YTHDC1: variants seen among roughly 807,000 people sequenced by gnomAD.
YTHDC1 encodes YTH domain-containing protein 1.
YTHDC1 carries 12 observed loss-of-function variants against 107.0 expected under a neutral mutation model. That is an observed-to-expected ratio of 0.11 (90% CI 0.07 to 0.18). YTHDC1 has a LOEUF of 0.18. Among genes scored for constraint, YTHDC1 ranks in the 10% least tolerant of loss-of-function variants. The pLI is 1.00. For synonymous variants in YTHDC1, 280 were observed against 289.5 expected (o/e 0.97, Z 0.33); for missense variants, 635 against 898.8 (o/e 0.71, Z 3.75).
intron 6 of YTHDC1, 53 bp downstream of exon 6, chr4:68,332,741 A>T: frequency 6.5e-7 from 1 of 1,549,574 alleles, no homozygotes; most frequent in Non-Finnish European, 8.9e-7. Flanking sequence ...CCAATAAGGA[A>T]AAATAATGAC....
At chr4:68,334,022 T>C (rs1182342922) in intron 4 of YTHDC1, among the ~76,000 whole-genome samples, 1 of 152,182 alleles carries the variant, frequency 6.6e-6, no homozygotes, top group African/African-American at 2.4e-5. Flanking sequence ...ATTTTAATGG[T>C]AGCCTGTGTA....
Position 68,349,843 on chromosome 4 carries a change from C to T in YTHDC1, c.-90G>A, listed in dbSNP as rs1263256329. The T allele has an allele frequency of 1.6e-5, 26 of 1,579,848 alleles. No individual in the cohort carries two copies. Among genetic ancestry groups the T allele is most frequent in the Non-Finnish European group, 2.2e-5 (25 of 1,154,260 alleles). On this transcript the variant is annotated 5_prime_UTR_variant, in exon 1 of 17. Transcript: ENST00000344157. The stretch of plus-strand genomic sequence containing the variant: ...CGCAGCCGCGGCAGAAGCACGGGCC[C>T]GTCCGTCAGTCCGTCTGCCCGGATA...
chr4:68,343,543 A>AAAAT (rs35282008), intron 1 of YTHDC1, among the ~76,000 whole-genome samples: 6 of 107,354 alleles, frequency 5.6e-5, no homozygotes, highest in South Asian at 3.4e-4. Flanking sequence ...AAAAAAAAAA[A>AAAAT]TTTTTTTTTT....
intron 7 of YTHDC1, among the ~76,000 whole-genome samples, chr4:68,330,511 CA>C (rs1723453575): frequency 6.6e-6 from 1 of 151,986 alleles, no homozygotes; most frequent in African/African-American, 2.4e-5. Flanking sequence ...AGACAATTAC[CA>C]ATTTTACAAA....
Position 68,345,624 on chromosome 4 carries a change from A to G in YTHDC1, c.28+4102T>C, listed in dbSNP as rs141830808. On this transcript the variant is annotated intron_variant, in intron 1 of 16. Coordinates refer to ENST00000344157, the MANE Select transcript of YTHDC1 (RefSeq NM_001031732.4). ...AAAAACATACAATTTAAGTGCAAAG[A>G]TATCATTTTAAATTTTCTACCTTAC... 2.2e-3 allele frequency among the ~76,000 whole-genome samples: 339 copies of G among 152,324 alleles called. 1 individual carries two copies. The highest frequency in any genetic ancestry group is 7.7e-3 in the African/African-American group (322 of 41,584).
intron 9 of YTHDC1, among the ~76,000 whole-genome samples, chr4:68,326,779 C>T (rs1363065281): frequency 2.6e-5 from 4 of 151,414 alleles, no homozygotes; most frequent in Admixed American, 2.0e-4. Context: ...TTAGTAGAGA[C>T]GGGGTTTCAC....
Position 68,315,555 on chromosome 4 carries a change from T to G in YTHDC1, c.1959+759A>C, listed in dbSNP as rs1180422827. On this transcript the variant is annotated intron_variant, in intron 16 of 16. Coordinates refer to ENST00000344157, the MANE Select transcript of YTHDC1 (RefSeq NM_001031732.4). ...CCTTTCTAAGGCTATCAAACTTATA[T>G]GCATATGAATTATGCTTCCAACACT... Among the ~76,000 whole-genome samples the G allele has an allele frequency of 3.3e-5, 5 of 152,214 alleles. No homozygotes were observed. The East Asian group carries it at 7.7e-4, about 23-fold the overall frequency.
chr4:68,320,617 C>T (rs2109687457), intron 11 of YTHDC1, among the ~76,000 whole-genome samples: 1 of 152,136 alleles, frequency 6.6e-6, no homozygotes, highest in East Asian at 1.9e-4. Flanking sequence ...CATCATTGTA[C>T]AATATGTAAC....
Position 68,337,178 on chromosome 4 carries a change from C to CTCCTCT in YTHDC1, c.731_732insAGAGGA (p.Glu248_Glu249dup). On this transcript the variant is annotated inframe_insertion, in exon 4 of 17. Transcript: ENST00000344157. Reference sequence around the variant, plus strand: ...CCTGTTCATATTCTTCTTCTTCCTCCTCCTCCTCCTCCTCTTCCTCCTCCT... The same window carrying CTCCTCT: ...CCTGTTCATATTCTTCTTCTTCCTCCTCCTCTTCCTCCTCCTCCTCTTCCTCCTCCT... 6.2e-7 allele frequency: 1 copy of CTCCTCT among 1,606,822 alleles called. No individual in the cohort carries two copies. Among genetic ancestry groups the CTCCTCT allele is most frequent in the Middle Eastern group, 1.7e-4 (1 of 6,056 alleles).
rs1470198175 is a variant in YTHDC1, at chr4:68,349,951, A to T, written c.-198T>A. On this transcript the variant is annotated 5_prime_UTR_variant, in exon 1 of 17. An upstream start codon of the reference 5' UTR is lost. Coordinates refer to ENST00000344157, the MANE Select transcript of YTHDC1 (RefSeq NM_001031732.4). The stretch of plus-strand genomic sequence containing the variant: ...CTTTCTCCCTTCCTTTCACTCCAGC[A>T]TCCAGCGGCCTAGGCCCAGCCTTCT... The T allele has an allele frequency of 4.1e-6, 3 of 724,702 alleles. No individual in the cohort carries two copies. The highest frequency in any genetic ancestry group is 4.9e-5 in the Admixed American group (2 of 40,968). 44.9% of individuals were successfully genotyped at this position (724,702 alleles called of 1,614,324 possible). A position where few individuals can be genotyped will look rare whatever the true frequency, so the allele number is the denominator to read the frequency against.
intron 7 of YTHDC1, among the ~76,000 whole-genome samples, chr4:68,330,960 G>T (rs1476511283): frequency 6.6e-6 from 1 of 152,122 alleles, no homozygotes; most frequent in Non-Finnish European, 1.5e-5. Context: ...TCATACAAAT[G>T]ACATCTCATT....
At chr4:68,321,678 C>T (rs1341669376) in intron 11 of YTHDC1, among the ~76,000 whole-genome samples, 2 of 152,124 alleles carry the variant, frequency 1.3e-5, no homozygotes, top group African/African-American at 4.8e-5. Flanking sequence ...TTTCCTCCTA[C>T]CTACTCGACA....
Position 68,322,760 on chromosome 4 carries a change from C to G in YTHDC1, c.1590G>C (p.Arg530=). The G allele has an allele frequency of 3.7e-6, 6 of 1,614,056 alleles. No homozygotes were observed. Among genetic ancestry groups the G allele is most frequent in the Non-Finnish European group, 4.2e-6 (5 of 1,179,944 alleles). Residue 530 remains arginine, a synonymous_variant, in exon 11 of 17, where the codon CGG becomes CGC. Coordinates refer to ENST00000344157, the MANE Select transcript of YTHDC1 (RefSeq NM_001031732.4). The surrounding 1 kb of genome is among the most constrained non-coding windows in gnomAD (Gnocchi z 4.8). ...RGRPSRREPV[R]DVGRRRPEDY... The stretch of plus-strand genomic sequence containing the variant: ...AGAACGTTTCTAACCTTCCCACATC[C>G]CGGACTGGTTCTCGACGGGATGGAC...
intron 1 of YTHDC1, among the ~76,000 whole-genome samples, chr4:68,343,689 A>C (rs193099011): frequency 1.2e-3 from 175 of 152,014 alleles, no homozygotes; most frequent in African/African-American, 4.0e-3. Flanking sequence ...GGCACCTGCC[A>C]CCACGCCGAG....
At chr4:68,319,124 T>G (rs1029507426) in intron 12 of YTHDC1, among the ~76,000 whole-genome samples, 1 of 152,242 alleles carries the variant, frequency 6.6e-6, no homozygotes, top group Non-Finnish European at 1.5e-5. Flanking sequence ...CAAATCTTGC[T>G]AATCAGAAAA....
At position 68,328,652 on chromosome 4, in the gene YTHDC1, A is replaced by C. The variant is rs374143103; in HGVS notation, c.1349+1350T>G. 4.6e-5 allele frequency among the ~76,000 whole-genome samples: 7 copies of C among 152,324 alleles called. No individual in the cohort carries two copies. In the South Asian group the frequency reaches 1.4e-3, roughly 32 times the overall value. On this transcript the variant is annotated intron_variant, in intron 9 of 16. Coordinates refer to ENST00000344157, the MANE Select transcript of YTHDC1 (RefSeq NM_001031732.4). ...TAGATGATTTCCAACTCTTTCCCAC[A>C]GAAAGTAATAATGGGATGAGTATTT...
At position 68,312,254 on chromosome 4, in the gene YTHDC1, C is replaced by G. The variant is rs932351305; in HGVS notation, c.*1845G>C. The G allele has an allele frequency of 6.6e-6, 1 of 152,170 alleles. No homozygotes were observed. Among genetic ancestry groups the G allele is most frequent in the African/African-American group, 2.4e-5 (1 of 41,442 alleles). 9.4% of individuals were successfully genotyped at this position (152,170 alleles called of 1,614,324 possible). A position where few individuals can be genotyped will look rare whatever the true frequency, so the allele number is the denominator to read the frequency against. On this transcript the variant is annotated 3_prime_UTR_variant, in exon 17 of 17. Coordinates refer to ENST00000344157, the MANE Select transcript of YTHDC1 (RefSeq NM_001031732.4). ...GGGCAAGTTTACTAGCCTCTCTGAG[C>G]CCATTTAAATGAGTCTGTATATAAA...
intron 6 of YTHDC1, among the ~76,000 whole-genome samples, chr4:68,332,553 T>A (rs887212178): frequency 1.3e-5 from 2 of 151,544 alleles, no homozygotes; most frequent in African/African-American, 4.8e-5. Flanking sequence ...CATACACACA[T>A]ACACACACAC....
Position 68,322,879 on chromosome 4 carries a change from G to A in YTHDC1, c.1471C>T (p.Leu491=), listed in dbSNP as rs1306105968. 4 of 1,613,968 alleles carry A rather than the reference G, an allele frequency of 2.5e-6. No individual in the cohort carries two copies. The highest frequency in any genetic ancestry group is 2.2e-5 in the East Asian group (1 of 44,860). ...TCAATACTTTCATCGGGGGGAAACA[G>A]AAGACAAAGCTGGGTTCCACATTCA... ...ELECGTQLCL[L]FPPDESIDLY... is the part of the protein sequence containing the mutation. Residue 491 remains leucine (L), a synonymous_variant, in exon 11 of 17, where the codon CTG becomes TTG. Coordinates refer to ENST00000344157, the MANE Select transcript of YTHDC1 (RefSeq NM_001031732.4). The surrounding 1 kb of genome is among the most constrained non-coding windows in gnomAD (Gnocchi z 4.8).
Sources: gnomAD v4.1 joint callset for allele counts (sites outside exome capture counted in the v4.1 genomes callset) on GRCh38, gnomAD v4.1.1 for gene constraint, Gnocchi (gnomAD v3.1) non-coding constraint, MANE v1.5 for transcripts, NCBI Gene and HGNC (gene_info 2026-07-23, HGNC 2026-07-21) for gene names.